GALNT11: variants seen among roughly 807,000 people sequenced by gnomAD.
GALNT11 encodes the protein UDP-GalNAc:polypeptide N-acetylgalactosaminyltransferase 11.
A neutral mutation model predicts 72.7 loss-of-function variants in GALNT11; 47 were observed. The ratio of observed to expected loss-of-function variants is 0.65; its 90% CI spans 0.51 to 0.82. The LOEUF is 0.82. Ranked by LOEUF, GALNT11 falls within the 40% of genes least tolerant of loss-of-function variation. The probability of loss-of-function intolerance (pLI) is 0.00; values close to 1 mark genes in which losing one functional copy is unlikely to be tolerated. For synonymous variants in GALNT11, 270 were observed against 286.6 expected (o/e 0.94, Z 0.58); for missense variants, 677 against 778.4 (o/e 0.87, Z 1.55).
chr7:152,094,631 G>A lies in GALNT11; in HGVS notation c.295+109G>A. On this transcript the variant is annotated intron_variant, in intron 2 of 11. Coordinates refer to ENST00000430044, the MANE Select transcript of GALNT11 (RefSeq NM_022087.4). The surrounding 1 kb of genome is among the most constrained non-coding windows in gnomAD (Gnocchi z 4.3). Reference sequence around the variant, plus strand: ...AATGCTGCATCATTTTTTCCCCACTGATTTATTTTGTTTGTGAACTACCTG... The same window carrying A: ...AATGCTGCATCATTTTTTCCCCACTAATTTATTTTGTTTGTGAACTACCTG... 7.9e-7 allele frequency: 1 copy of A among 1,271,560 alleles called. No individual in the cohort carries two copies. Among genetic ancestry groups the A allele is most frequent in the Non-Finnish European group, 1.1e-6 (1 of 940,704 alleles). 78.8% of individuals were successfully genotyped at this position (1,271,560 alleles called of 1,614,324 possible).
chr7:152,073,073 A>G (rs760638796), intron 1 of GALNT11, among the ~76,000 whole-genome samples: 1 of 152,236 alleles, frequency 6.6e-6, no homozygotes, highest in Admixed American at 6.5e-5. Flanking sequence ...TGATGTTTCT[A>G]TATACGTAAC....
chr7:152,054,503 C>CTTTTTTTTTTTTT (rs1037895401), intron 1 of GALNT11, among the ~76,000 whole-genome samples: 1 of 72,106 alleles, frequency 1.4e-5, no homozygotes, highest in Non-Finnish European at 2.9e-5. Context: ...TTTTTCTTGT[C>CTTTTTTTTTTTTT]TTTTTTTTTT....
At chr7:152,061,263 A>G (rs530958681) in intron 1 of GALNT11, among the ~76,000 whole-genome samples, 1 of 152,286 alleles carries the variant, frequency 6.6e-6, no homozygotes, top group South Asian at 2.1e-4. Context: ...TTGTCTGCAT[A>G]AATGTCTTCT....
chr7:152,059,875 C>T (rs534815306), intron 1 of GALNT11, among the ~76,000 whole-genome samples: 2 of 152,344 alleles, frequency 1.3e-5, no homozygotes, highest in South Asian at 2.1e-4. Context: ...AACTTAAAGT[C>T]ACCAGCTGCA....
chr7:152,085,920 G>A (rs1050851565), intron 1 of GALNT11, among the ~76,000 whole-genome samples: 7 of 149,662 alleles, frequency 4.7e-5, no homozygotes, highest in Admixed American at 2.0e-4. Flanking sequence ...ATGGAGTCTC[G>A]CTCTGTTGCC....
intron 7 of GALNT11, among the ~76,000 whole-genome samples, chr7:152,110,942 G>A (rs1042055928): frequency 6.6e-6 from 1 of 151,824 alleles, no homozygotes; most frequent in Non-Finnish European, 1.5e-5. Context: ...GGCTGGTGTC[G>A]AACTCTTGGG....
chr7:152,113,108 AT>A (rs2129065241), intron 7 of GALNT11, 137 bp from the exon 8 acceptor site: 1 of 852,238 alleles, frequency 1.2e-6, no homozygotes, highest in Non-Finnish European at 1.8e-6. Context: ...CTATTTGAAT[AT>A]TTGTATCTAA....
rs182059559 is a variant in GALNT11 at position 152,032,097 on chromosome 7, A to G, written c.-39+6213A>G. Among the ~76,000 whole-genome samples, 300 of 152,304 alleles carry G rather than the reference A, an allele frequency of 2.0e-3. 1 individual carries two copies. Among genetic ancestry groups the G allele is most frequent in the African/African-American group, 6.8e-3 (282 of 41,562 alleles). On this transcript the variant is annotated intron_variant, in intron 1 of 11. Coordinates refer to ENST00000430044, the MANE Select transcript of GALNT11 (RefSeq NM_022087.4). ...TACCCTTGATTAGCTAGAAAATTCA[A>G]GAGATCTAGAGTAGCCTGCTGGCAT...
At chr7:152,084,102 C>T (rs980043623) in intron 1 of GALNT11, among the ~76,000 whole-genome samples, 1 of 152,064 alleles carries the variant, frequency 6.6e-6, no homozygotes, top group Non-Finnish European at 1.5e-5. Flanking sequence ...CTCTGACACT[C>T]TTCTCTGTGC....
intron 2 of GALNT11, 29 bp from the exon 3 acceptor site, chr7:152,100,769 A>G (rs978986611): frequency 1.2e-6 from 2 of 1,610,672 alleles, no homozygotes; most frequent in Middle Eastern, 1.7e-4. Flanking sequence ...TCTAGATTTA[A>G]TTCGCTGACT....
chr7:152,026,796 G>A (rs1201995061), intron 1 of GALNT11, among the ~76,000 whole-genome samples: 1 of 152,118 alleles, frequency 6.6e-6, no homozygotes, highest in African/African-American at 2.4e-5. Flanking sequence ...TTTCCTGCCC[G>A]AACTAGTCTA....
At chr7:152,099,424 C>A (rs1285409974) in intron 2 of GALNT11, among the ~76,000 whole-genome samples, 2 of 148,796 alleles carry the variant, frequency 1.3e-5, no homozygotes, top group Admixed American at 1.3e-4. Context: ...AGTGCAGTGG[C>A]GCGATCTTGG....
intron 1 of GALNT11, among the ~76,000 whole-genome samples, chr7:152,037,878 C>T (rs1355320768): frequency 6.6e-6 from 1 of 152,058 alleles, no homozygotes; most frequent in Admixed American, 6.6e-5. Context: ...GCATGATTCT[C>T]CTGCCTCAGC....
intron 8 of GALNT11, 31 bp from the exon 9 acceptor site, chr7:152,117,126 A>T: frequency 6.4e-7 from 1 of 1,562,558 alleles, no homozygotes. Flanking sequence ...AAAAAATTCG[A>T]TTTTCTTATT....
chr7:152,104,813 A>C (rs1415306543), intron 4 of GALNT11: 1 of 152,414 alleles, frequency 6.6e-6, no homozygotes, highest in Admixed American at 6.5e-5. Context: ...TGGTAGGGGC[A>C]ATAGAAGTTG....
intron 2 of GALNT11, among the ~76,000 whole-genome samples, chr7:152,099,714 C>T (rs541852389): frequency 6.8e-6 from 1 of 148,030 alleles, no homozygotes; most frequent in Admixed American, 6.8e-5. Flanking sequence ...TTGATTAGGC[C>T]TGTGGAGGAA....
chr7:152,084,298 A>G (rs2129025605), intron 1 of GALNT11, among the ~76,000 whole-genome samples: 1 of 149,524 alleles, frequency 6.7e-6, no homozygotes, highest in Admixed American at 6.7e-5. Context: ...CCAGCTATTC[A>G]GGAGGCTGAG....
At chr7:152,034,097 C>G (rs781332658) in intron 1 of GALNT11, among the ~76,000 whole-genome samples, 1 of 152,206 alleles carries the variant, frequency 6.6e-6, no homozygotes, top group Non-Finnish European at 1.5e-5. Flanking sequence ...AATTCCCTCT[C>G]CCTACAACTT....
At chr7:152,073,603 T>C (rs1444745998) in intron 1 of GALNT11, among the ~76,000 whole-genome samples, 1 of 152,210 alleles carries the variant, frequency 6.6e-6, no homozygotes, top group Non-Finnish European at 1.5e-5. Context: ...GCAGTTAACA[T>C]GGGGATGTAG....
Sources: gnomAD v4.1 joint callset for allele counts (sites outside exome capture counted in the v4.1 genomes callset) on GRCh38, gnomAD v4.1.1 for gene constraint, Gnocchi (gnomAD v3.1) non-coding constraint, MANE v1.5 for transcripts, NCBI Gene and HGNC (gene_info 2026-07-23, HGNC 2026-07-21) for gene names.